TTC9: variants seen among roughly 807,000 people sequenced by gnomAD.
The protein encoded by TTC9 is tetratricopeptide repeat protein 9A.
In TTC9, 13 loss-of-function variants were observed where a neutral mutation model predicts 22.9. That is an observed-to-expected ratio of 0.57 (90% confidence interval 0.37 to 0.90). TTC9 has a LOEUF of 0.90. TTC9 is among the 40% of genes least tolerant of loss of function. The pLI is 0.01. For missense variants in TTC9, 280 were observed against 291.8 expected, an observed-to-expected ratio of 0.96 and a Z score of 0.29; for synonymous variants, 148 against 133.2, an observed-to-expected ratio of 1.11 and a Z score of -0.77.
At chr14:70,667,478 A>C (rs1886230839) in intron 1 of TTC9, 86 bp from the exon 2 acceptor site, 5 of 1,471,376 alleles carry the variant, frequency 3.4e-6, no homozygotes, top group African/African-American at 1.4e-5. Flanking sequence ...CAACCCTGCT[A>C]AACCTCTGGA....
chr14:70,668,615 C>T (rs1393970820), intron 2 of TTC9, among the ~76,000 whole-genome samples: 1 of 151,970 alleles, frequency 6.6e-6, no homozygotes, highest in Non-Finnish European at 1.5e-5. Context: ...CTTTGGGAAC[C>T]CAAGGCAGGT....
At chr14:70,657,621 G>C (rs932220531) in intron 1 of TTC9, among the ~76,000 whole-genome samples, 1 of 152,168 alleles carries the variant, frequency 6.6e-6, no homozygotes, top group African/African-American at 2.4e-5. Flanking sequence ...AGTAGTGGGA[G>C]ACTCTCTGGG....
intron 1 of TTC9, among the ~76,000 whole-genome samples, chr14:70,644,095 A>C (rs991493751): frequency 6.6e-6 from 1 of 152,198 alleles, no homozygotes; most frequent in Non-Finnish European, 1.5e-5. Context: ...GTGGATTGCT[A>C]ATGCGGTGAC....
At position 70,664,923 on chromosome 14, in the gene TTC9, A is replaced by G. The variant is rs1181828775; in HGVS notation, c.407-2641A>G. On this transcript the variant is annotated intron_variant, in intron 1 of 2. Transcript: ENST00000256367. ...ACCCTGGTCCACAGCCAGGTATGCC[A>G]GTTCCCACCGGATCTGCAGGGGAAC... Among the ~76,000 whole-genome samples, 5 of 151,980 alleles carry G rather than the reference A, an allele frequency of 3.3e-5. No individual in the cohort carries two copies. The South Asian group carries it at 1.0e-3, about 32-fold the overall frequency.
intron 2 of TTC9, among the ~76,000 whole-genome samples, chr14:70,668,630 C>T (rs1171609845): frequency 6.6e-6 from 1 of 151,858 alleles, no homozygotes; most frequent in Non-Finnish European, 1.5e-5. Flanking sequence ...GCAGGTGGAT[C>T]GCTTGAGCTC....
At chr14:70,646,795 GC>G (rs765688879) in intron 1 of TTC9, among the ~76,000 whole-genome samples, 41 of 152,316 alleles carry the variant, frequency 2.7e-4, no homozygotes, top group Non-Finnish European at 4.6e-4. Context: ...ATGTGGCAAG[GC>G]CTAGAAGGAA....
intron 2 of TTC9, among the ~76,000 whole-genome samples, chr14:70,668,239 T>C (rs1055199863): frequency 6.6e-6 from 1 of 152,204 alleles, no homozygotes; most frequent in Non-Finnish European, 1.5e-5. Flanking sequence ...GTGTTATCTA[T>C]AGCATTCACT....
intron 1 of TTC9, among the ~76,000 whole-genome samples, chr14:70,650,067 C>T (rs987511445): frequency 6.6e-6 from 1 of 152,112 alleles, no homozygotes; most frequent in Non-Finnish European, 1.5e-5. Context: ...TGTGTGAATT[C>T]CAGTTAAGAG....
chr14:70,670,076 C>A (rs1213766966), intron 2 of TTC9, among the ~76,000 whole-genome samples: 1 of 152,232 alleles, frequency 6.6e-6, no homozygotes, highest in Non-Finnish European at 1.5e-5. Flanking sequence ...AAAAAAATTA[C>A]ATTAGACTAA....
intron 1 of TTC9, among the ~76,000 whole-genome samples, chr14:70,655,427 G>A (rs891304662): frequency 6.6e-6 from 1 of 151,268 alleles, no homozygotes; most frequent in African/African-American, 2.4e-5. Flanking sequence ...AAACAAAGAA[G>A]AAGGTAAAAC....
intron 1 of TTC9, among the ~76,000 whole-genome samples, chr14:70,659,132 G>GCGCACACACACACACACA (rs762892061): frequency 4.2e-5 from 6 of 144,226 alleles, no homozygotes; most frequent in African/African-American, 1.6e-4. Flanking sequence ...ACACACACAC[G>GCGCACACACACACACACA]CACACACACA....
Position 70,642,523 on chromosome 14 carries a change from A to C in TTC9, c.394A>C (p.Asn132His), listed in dbSNP as rs1229309305. Residue 132 changes from asparagine (N) to histidine (H), a missense_variant, in exon 1 of 3, where the codon AAC becomes CAC. This residue lies in a region of TTC9 where 165 missense variants were observed against 145.4 expected (regional missense o/e 1.14). Coordinates refer to ENST00000256367, the MANE Select transcript of TTC9 (RefSeq NM_015351.2). ...GGAAGCCATCGAGATCGACTGTTAC[A>C]ACAGCCTGGCAGGTGAGCCGCGCCG... ...TVEAIEIDCY[N>H]SLAACLLQAE... 1 of 1,539,362 alleles carries C rather than the reference A, an allele frequency of 6.5e-7. No individual in the cohort carries two copies. The highest frequency in any genetic ancestry group is 8.8e-7 in the Non-Finnish European group (1 of 1,142,034).
intron 2 of TTC9, 21 bp downstream of exon 2, chr14:70,667,767 T>G: frequency 6.4e-7 from 1 of 1,562,734 alleles, no homozygotes; most frequent in Middle Eastern, 1.7e-4. Flanking sequence ...AATAGCTGTT[T>G]TCTTACTTCC....
chr14:70,645,532 G>C (rs1164535036), intron 1 of TTC9, among the ~76,000 whole-genome samples: 3 of 152,288 alleles, frequency 2.0e-5, no homozygotes, highest in African/African-American at 2.4e-5. Flanking sequence ...AATAGCAACA[G>C]AAAAGTTTTA....
At chr14:70,644,825 C>T (rs12897276) in intron 1 of TTC9, among the ~76,000 whole-genome samples, 60,739 of 152,104 alleles carry the variant, frequency 0.4, 12,510 homozygotes, top group East Asian at 0.62. Flanking sequence ...TTAAAAGTCA[C>T]TCTGGGGCTG....
At chr14:70,661,391 A>C (rs1886143316) in intron 1 of TTC9, among the ~76,000 whole-genome samples, 1 of 152,212 alleles carries the variant, frequency 6.6e-6, no homozygotes, top group Non-Finnish European at 1.5e-5. Context: ...GTGCAACCCC[A>C]AACAGTGAGG....
intron 1 of TTC9, among the ~76,000 whole-genome samples, chr14:70,642,988 A>C (rs1885847539): frequency 6.6e-6 from 1 of 152,164 alleles, no homozygotes; most frequent in Non-Finnish European, 1.5e-5. Context: ...TCCCCAACTA[A>C]CCGCATCCCT....
intron 1 of TTC9, among the ~76,000 whole-genome samples, chr14:70,655,871 C>T (rs77890108): frequency 0.011 from 1,601 of 152,236 alleles, 31 homozygotes; most frequent in African/African-American, 0.037. Flanking sequence ...ATCAGACCAC[C>T]AGGAATTTCA....
At chr14:70,663,008 C>G (rs1886165805) in intron 1 of TTC9, among the ~76,000 whole-genome samples, 1 of 152,176 alleles carries the variant, frequency 6.6e-6, no homozygotes. Flanking sequence ...CTGGATGCCA[C>G]TTACATTGAT....
Sources: allele counts gnomAD v4.1 joint callset (sites outside exome capture counted in the v4.1 genomes callset), GRCh38; gene constraint gnomAD v4.1.1; regional missense constraint gnomAD v4.1.1; transcripts MANE v1.5; gene names NCBI Gene and HGNC (gene_info 2026-07-23, HGNC 2026-07-21).